AGTPBP1: variants seen among roughly 807,000 people sequenced by gnomAD.
AGTPBP1 encodes the protein cytosolic carboxypeptidase 1.
AGTPBP1 carries 70 observed loss-of-function variants against 143.9 expected under a neutral mutation model. That is an observed-to-expected ratio of 0.49 (90% CI 0.40 to 0.59). AGTPBP1 has a LOEUF of 0.59. Among genes scored for constraint, AGTPBP1 ranks in the 20% least tolerant of loss-of-function variants. The pLI is 0.00. For synonymous variants in AGTPBP1, 463 were observed against 500.2 expected, an observed-to-expected ratio of 0.93 and a Z score of 0.99; for missense variants, 1,229 against 1,464.5, an observed-to-expected ratio of 0.84 and a Z score of 2.62.
intron 3 of AGTPBP1, among the ~76,000 whole-genome samples, chr9:85,683,664 C>G (rs1197789543): frequency 6.6e-6 from 1 of 152,060 alleles, no homozygotes; most frequent in African/African-American, 2.4e-5. Flanking sequence ...GTTTCTCGAC[C>G]TCATAACAAA....
intron 25 of AGTPBP1, among the ~76,000 whole-genome samples, chr9:85,566,104 A>G (rs1439798499): frequency 6.6e-6 from 1 of 152,192 alleles, no homozygotes; most frequent in Non-Finnish European, 1.5e-5. Flanking sequence ...GGTACCATGA[A>G]TGGCACATTA....
intron 7 of AGTPBP1, 76 bp from the exon 8 acceptor site, chr9:85,669,654 G>A: frequency 2.3e-6 from 2 of 869,698 alleles, no homozygotes; most frequent in Non-Finnish European, 3.8e-6. Context: ...GTGATACATA[G>A]GCAAAAACAT....
At chr9:85,792,772 T>C in the AGTPBP1 span, among the ~76,000 whole-genome samples, 8 of 152,340 alleles carry the variant, frequency 5.3e-5, no homozygotes, top group African/African-American at 1.9e-4. Context: ...AAATGCTTTA[T>C]CAAATAAATG....
chr9:85,632,243 T>G (rs1458339665), intron 14 of AGTPBP1, among the ~76,000 whole-genome samples: 1 of 152,202 alleles, frequency 6.6e-6, no homozygotes, highest in Non-Finnish European at 1.5e-5. Flanking sequence ...GCAAAATAAA[T>G]CACTGTTGAT....
At chr9:85,555,895 G>C (rs1826308930) in intron 25 of AGTPBP1, among the ~76,000 whole-genome samples, 1 of 152,130 alleles carries the variant, frequency 6.6e-6, no homozygotes, top group African/African-American at 2.4e-5. Flanking sequence ...GTAAATATAA[G>C]TGAATGTGAC....
chr9:85,582,106 T>C (rs1828303549), intron 23 of AGTPBP1, among the ~76,000 whole-genome samples: 1 of 152,204 alleles, frequency 6.6e-6, no homozygotes, highest in East Asian at 1.9e-4. Context: ...GCAAAAACAG[T>C]ACAAAGAATT....
At chr9:85,624,766 T>C (rs2133599331) in intron 14 of AGTPBP1, among the ~76,000 whole-genome samples, 1 of 152,330 alleles carries the variant, frequency 6.6e-6, no homozygotes, top group Non-Finnish European at 1.5e-5. Context: ...AAGTCTCACT[T>C]ATTAACACAA....
At chr9:85,707,318 A>G (rs1837075846) in intron 2 of AGTPBP1, among the ~76,000 whole-genome samples, 1 of 152,188 alleles carries the variant, frequency 6.6e-6, no homozygotes, top group Non-Finnish European at 1.5e-5. Flanking sequence ...CTTAGCTTTC[A>G]ATGTAAAAAA....
At chr9:85,686,556 C>G (rs556073976) in intron 3 of AGTPBP1, among the ~76,000 whole-genome samples, 27 of 152,268 alleles carry the variant, frequency 1.8e-4, no homozygotes, top group Non-Finnish European at 3.1e-4. Flanking sequence ...AACTATCAAT[C>G]TGTTGGCTCT....
chr9:85,664,988 T>A (rs578180477), intron 8 of AGTPBP1, among the ~76,000 whole-genome samples: 1 of 152,254 alleles, frequency 6.6e-6, no homozygotes, highest in South Asian at 2.1e-4. Flanking sequence ...CTATGCAAAG[T>A]TAAGACACAG....
intron 17 of AGTPBP1, among the ~76,000 whole-genome samples, chr9:85,611,472 G>A (rs1830314926): frequency 6.6e-6 from 1 of 151,724 alleles, no homozygotes. Context: ...CTATTAAAGA[G>A]ATATGCAAAA....
chr9:85,672,062 C>T (rs62569206), intron 7 of AGTPBP1, among the ~76,000 whole-genome samples: 2,550 of 152,076 alleles, frequency 0.017, 25 homozygotes, highest in Middle Eastern at 0.054. Flanking sequence ...CAAGGTTTTA[C>T]CAACTTAACC....
At chr9:85,740,848 A>G (rs1218946139) in intron 1 of AGTPBP1, among the ~76,000 whole-genome samples, 5 of 152,196 alleles carry the variant, frequency 3.3e-5, no homozygotes, top group African/African-American at 1.2e-4. Flanking sequence ...AATTTCCGCT[A>G]TCTTCAGGCA....
At chr9:85,615,087 T>A (rs1257032121) in intron 17 of AGTPBP1, among the ~76,000 whole-genome samples, 1 of 152,190 alleles carries the variant, frequency 6.6e-6, no homozygotes, top group Non-Finnish European at 1.5e-5. Context: ...GGAGAACGAA[T>A]GAATTTAGTT....
At chr9:85,584,169 T>A (rs971833387) in intron 23 of AGTPBP1, among the ~76,000 whole-genome samples, 1 of 152,140 alleles carries the variant, frequency 6.6e-6, no homozygotes, top group Non-Finnish European at 1.5e-5. Context: ...AACTAAATAT[T>A]CCCCTTTTCT....
At chr9:85,737,155 G>C (rs189118229) in intron 1 of AGTPBP1, among the ~76,000 whole-genome samples, 4 of 152,228 alleles carry the variant, frequency 2.6e-5, no homozygotes, top group African/African-American at 7.2e-5. Flanking sequence ...ACTTAAGAAT[G>C]TCCTTGAAAC....
At position 85,564,041 on chromosome 9, in the gene AGTPBP1, GC is replaced by G. The variant is rs1382938991; in HGVS notation, c.3503+11273del. On this transcript the variant is annotated intron_variant, in intron 25 of 25. Coordinates refer to ENST00000357081, the MANE Select transcript of AGTPBP1 (RefSeq NM_001330701.2). ...TAGATATCGAAGGATGGAGCCACAG[GC>G]ACAACACCCAGGTAAGGAACCACCA... 2.6e-5 allele frequency among the ~76,000 whole-genome samples: 4 copies of G among 152,330 alleles called. No individual in the cohort carries two copies. In the South Asian group the frequency reaches 8.3e-4, roughly 32 times the overall value.
chr9:85,583,262 GT>G lies in AGTPBP1; in HGVS notation c.3165+2200del, dbSNP rs199865166. On this transcript the variant is annotated intron_variant, in intron 23 of 25. Transcript: ENST00000357081. Reference sequence around the variant, plus strand: ...TAAGTCCATCAATTTGTTTTGCTATGTTTGTTGTAGTCTGCTATAACAGCAA... The same window carrying G: ...TAAGTCCATCAATTTGTTTTGCTATGTTGTTGTAGTCTGCTATAACAGCAA... Among the ~76,000 whole-genome samples, 1,332 of 152,266 alleles carry G rather than the reference GT, an allele frequency of 8.7e-3. 10 individuals are homozygous for G. The highest frequency in any genetic ancestry group is 0.015 in the Non-Finnish European group (994 of 68,020).
chr9:85,697,445 G>GTTTTTTTTTTT (rs758082233), intron 2 of AGTPBP1, among the ~76,000 whole-genome samples: 20 of 65,072 alleles, frequency 3.1e-4, no homozygotes, highest in African/African-American at 5.2e-4. Context: ...TTTGTTTTTT[G>GTTTTTTTTTTT]TTTTTTTTTT....
Sources: allele counts gnomAD v4.1 joint callset (sites outside exome capture counted in the v4.1 genomes callset), GRCh38; gene constraint gnomAD v4.1.1; transcripts MANE v1.5; gene names NCBI Gene and HGNC (gene_info 2026-07-23, HGNC 2026-07-21).